NRG3: variants seen among roughly 807,000 people sequenced by gnomAD.
The protein encoded by NRG3 is pro-neuregulin-3, membrane-bound isoform.
NRG3 carries 31 observed loss-of-function variants against 66.9 expected under a neutral mutation model. That is an observed-to-expected ratio of 0.46 (90% CI 0.35 to 0.63). NRG3 has a LOEUF of 0.63. Ranked by LOEUF, NRG3 falls within the 20% of genes least tolerant of loss-of-function variation. The pLI is 0.00. For synonymous variants in NRG3, 393 were observed against 359.4 expected, an observed-to-expected ratio of 1.09 and a Z score of -1.06; for missense variants, 910 against 878.9, an observed-to-expected ratio of 1.04 and a Z score of -0.45.
chr10:82,592,752 C>T (rs1479729431), intron 2 of NRG3, among the ~76,000 whole-genome samples: 7 of 152,094 alleles, frequency 4.6e-5, no homozygotes, highest in East Asian at 3.9e-4. Flanking sequence ...AGGAAATAGA[C>T]GATTAAATGT....
intron 1 of NRG3, among the ~76,000 whole-genome samples, chr10:82,295,590 A>G (rs1365482879): frequency 1.3e-5 from 2 of 152,102 alleles, no homozygotes; most frequent in Non-Finnish European, 2.9e-5. Context: ...CGAAATGGAC[A>G]CTCCAAAAAT....
intron 2 of NRG3, among the ~76,000 whole-genome samples, chr10:82,640,311 C>T (rs555461482): frequency 4.0e-4 from 61 of 152,246 alleles, no homozygotes; most frequent in African/African-American, 1.4e-3. Flanking sequence ...ACATATACAC[C>T]ATGGAATACT....
At chr10:82,746,422 C>T (rs1474463243) in intron 3 of NRG3, among the ~76,000 whole-genome samples, 3 of 152,162 alleles carry the variant, frequency 2.0e-5, no homozygotes, top group African/African-American at 7.2e-5. Context: ...AAGACAGTTC[C>T]CAACTGGTTC....
At chr10:82,329,460 GAA>G (rs920289733) in intron 1 of NRG3, among the ~76,000 whole-genome samples, 1 of 126,184 alleles carries the variant, frequency 7.9e-6, no homozygotes, top group Non-Finnish European at 1.7e-5. Flanking sequence ...TTTTTTTAAA[GAA>G]AAAAAAGAAT....
chr10:82,896,216 T>C (rs1324312422), intron 4 of NRG3, among the ~76,000 whole-genome samples: 1 of 152,212 alleles, frequency 6.6e-6, no homozygotes, highest in Non-Finnish European at 1.5e-5. Context: ...CCAGGCATCT[T>C]CCTGACATCC....
intron 3 of NRG3, among the ~76,000 whole-genome samples, chr10:82,815,037 G>T (rs1171427286): frequency 6.6e-6 from 1 of 152,186 alleles, no homozygotes; most frequent in Non-Finnish European, 1.5e-5. Flanking sequence ...ATGTTCTCAT[G>T]ATTGTTGCTC....
rs571651318 is a variant in NRG3, at chr10:82,616,511, T to G, written c.954-122066T>G. Among the ~76,000 whole-genome samples, 107 of 152,316 alleles carry G rather than the reference T, an allele frequency of 7.0e-4. 1 individual carries two copies. The highest frequency in any genetic ancestry group is 2.5e-3 in the African/African-American group (103 of 41,576). ...CCTTCCACATACAAGAAACTTTATT[T>G]GAAATCTGATCTCACACTGAATATT... On this transcript the variant is annotated intron_variant, in intron 2 of 8. Coordinates refer to ENST00000372141, the MANE Select transcript of NRG3 (RefSeq NM_001010848.4).
At chr10:82,735,352 G>A (rs907403231) in intron 2 of NRG3, among the ~76,000 whole-genome samples, 2 of 152,160 alleles carry the variant, frequency 1.3e-5, no homozygotes, top group East Asian at 3.9e-4. Context: ...GGCTCCTAAG[G>A]GATAAAGAAA....
chr10:82,676,829 T>C (rs142298667), intron 2 of NRG3, among the ~76,000 whole-genome samples: 1 of 151,952 alleles, frequency 6.6e-6, no homozygotes, highest in Non-Finnish European at 1.5e-5. Flanking sequence ...GATTTTTTTC[T>C]TTGAACGTTT....
intron 1 of NRG3, among the ~76,000 whole-genome samples, chr10:82,162,474 A>T (rs1248551378): frequency 6.6e-6 from 1 of 152,070 alleles, no homozygotes; most frequent in East Asian, 1.9e-4. Flanking sequence ...CTGTTTGCAA[A>T]AGTCAGCCAC....
chr10:82,500,189 A>G (rs1038670638), intron 2 of NRG3, among the ~76,000 whole-genome samples: 4 of 152,166 alleles, frequency 2.6e-5, no homozygotes, highest in African/African-American at 7.2e-5. Flanking sequence ...TGAAGTCTCT[A>G]TTTGATGCTT....
chr10:82,421,998 C>T (rs968454364), intron 2 of NRG3, among the ~76,000 whole-genome samples: 1 of 152,072 alleles, frequency 6.6e-6, no homozygotes, highest in Non-Finnish European at 1.5e-5. Context: ...CCAGAAGGAA[C>T]TTCGACCACA....
chr10:82,374,713 T>C (rs1354964687), intron 2 of NRG3, among the ~76,000 whole-genome samples: 1 of 152,094 alleles, frequency 6.6e-6, no homozygotes, highest in East Asian at 1.9e-4. Flanking sequence ...CTTGAAGCAG[T>C]GAGGAACTAA....
intron 1 of NRG3, among the ~76,000 whole-genome samples, chr10:82,144,754 G>T (rs951987229): frequency 2.0e-5 from 3 of 152,108 alleles, no homozygotes; most frequent in Admixed American, 6.6e-5. Flanking sequence ...CCAACAATCT[G>T]TGTGACTTCA....
chr10:81,883,796 C>T (rs535759074), intron 1 of NRG3, among the ~76,000 whole-genome samples: 1 of 152,186 alleles, frequency 6.6e-6, no homozygotes, highest in Non-Finnish European at 1.5e-5. Flanking sequence ...GAGAAAGCCA[C>T]ACCCTCATCA....
At chr10:82,975,583 G>C (rs17101163) in intron 7 of NRG3, among the ~76,000 whole-genome samples, 7,253 of 152,246 alleles carry the variant, frequency 0.048, 244 homozygotes, top group Middle Eastern at 0.075. Flanking sequence ...TGATAGATGG[G>C]CAAGCGTTGA....
intron 1 of NRG3, among the ~76,000 whole-genome samples, chr10:82,292,808 A>G (rs1358111332): frequency 6.6e-6 from 1 of 152,232 alleles, no homozygotes; most frequent in Non-Finnish European, 1.5e-5. Context: ...TAGAAATGGA[A>G]AACAATGTGT....
intron 1 of NRG3, among the ~76,000 whole-genome samples, chr10:82,072,177 A>G (rs750134240): frequency 6.6e-6 from 1 of 152,208 alleles, no homozygotes; most frequent in Admixed American, 6.5e-5. Flanking sequence ...CACAGTACTT[A>G]CTTTTCTCAC....
At chr10:81,956,998 G>T (rs1849898523) in intron 1 of NRG3, among the ~76,000 whole-genome samples, 1 of 152,172 alleles carries the variant, frequency 6.6e-6, no homozygotes, top group Non-Finnish European at 1.5e-5. Flanking sequence ...ATAGCTGTGG[G>T]ATTGCTCCTG....
Sources: allele counts gnomAD v4.1 joint callset (sites outside exome capture counted in the v4.1 genomes callset), GRCh38; gene constraint gnomAD v4.1.1; transcripts MANE v1.5; gene names NCBI Gene and HGNC (gene_info 2026-07-23, HGNC 2026-07-21).